Variants in CAD observed in about 807,000 individuals in gnomAD.
CAD encodes the protein carbamoyl-phosphate synthetase 2, aspartate transcarbamylase, and dihydroorotase, also known as multifunctional protein CAD.
A neutral mutation model predicts 237.2 loss-of-function variants in CAD; 81 were observed. The observed-to-expected ratio is 0.34, with a 90% CI of 0.29 to 0.41. CAD has a LOEUF of 0.41. Among genes scored for constraint, CAD ranks in the 10% least tolerant of loss-of-function variants. The probability of loss-of-function intolerance (pLI) is 1.00; values close to 1 mark genes in which losing one functional copy is unlikely to be tolerated. For synonymous variants in CAD, 1,196 were observed against 1,162.8 expected (o/e 1.03, Z -0.58); for missense variants, 2,181 against 2,951.7 (o/e 0.74, Z 6.05).
Position 27,235,235 on chromosome 2 carries a change from G to A in CAD, c.3787-10G>A, listed in dbSNP as rs750985145. The A allele has an allele frequency of 1.4e-5, 23 of 1,595,722 alleles. No homozygotes were observed. Among genetic ancestry groups the A allele is most frequent in the Non-Finnish European group, 2.0e-5 (23 of 1,170,094 alleles). The stretch of plus-strand genomic sequence containing the variant: ...ACCTTGGCCCTCTCTCTTCCCTCCC[G>A]CCCCTTTAGGTGCCTCAGTTCTCCT... On this transcript the variant is annotated splice_polypyrimidine_tract_variant and intron_variant, in intron 23 of 43. Coordinates refer to ENST00000264705, the MANE Select transcript of CAD (RefSeq NM_004341.5). The surrounding 1 kb of genome is among the most constrained non-coding windows in gnomAD (Gnocchi z 5.2).
chr2:27,243,032 G>A, intron 42 of CAD, 59 bp downstream of exon 42: 1 of 1,447,248 alleles, frequency 6.9e-7, no homozygotes, highest in Non-Finnish European at 9.6e-7. Context: ...CAGATATGAG[G>A]ACAGAAAGGC....
chr2:27,218,072 A>G lies in CAD; in HGVS notation c.222+56A>G, dbSNP rs892150437. ...CTTTTCAAGTCAGTAATTGTTAACT[A>G]TTAGTGAAGTAGGAGACGTTGACAC... On this transcript the variant is annotated intron_variant, in intron 2 of 43. Transcript: ENST00000264705. 7.4e-6 allele frequency: 11 copies of G among 1,489,176 alleles called. No individual in the cohort carries two copies. The Middle Eastern group carries it at 1.1e-3, about 143-fold the overall frequency. 92.2% of individuals were successfully genotyped at this position (1,489,176 alleles called of 1,614,324 possible).
chr2:27,225,351 G>A lies in CAD; in HGVS notation c.1620+108G>A, dbSNP rs1245542999. 1.2e-5 allele frequency: 8 copies of A among 676,774 alleles called. No homozygotes were observed. The East Asian group carries it at 2.2e-4, about 19-fold the overall frequency. The allele number at this position is 676,774 out of a possible 1,614,324, so 41.9% of individuals were successfully genotyped here. A position where few individuals can be genotyped will look rare whatever the true frequency, so the allele number is the denominator to read the frequency against. On this transcript the variant is annotated intron_variant, in intron 11 of 43. Transcript: ENST00000264705. ...GACGGAGTTTCGCTCTTGTTGCGCA[G>A]GCTGGAGTACAGTGGCGTGATCTCG...
rs200901811 is a variant in CAD, at chr2:27,232,735, G to C, written c.2892+41G>C. Reference sequence around the variant, plus strand: ...TTCTTTCCACTTTCCTTGCTATTCTGTTCATCTCTAGCAATTGCTTGGCAC... The same window carrying C: ...TTCTTTCCACTTTCCTTGCTATTCTCTTCATCTCTAGCAATTGCTTGGCAC... On this transcript the variant is annotated intron_variant, in intron 18 of 43. Coordinates refer to ENST00000264705, the MANE Select transcript of CAD (RefSeq NM_004341.5). The surrounding 1 kb of genome is among the most constrained non-coding windows in gnomAD (Gnocchi z 4.1). 5.6e-6 allele frequency: 9 copies of C among 1,611,704 alleles called. No individual in the cohort carries two copies. The highest frequency in any genetic ancestry group is 7.6e-6 in the Non-Finnish European group (9 of 1,178,396).
At chr2:27,224,321 C>G in intron 8 of CAD, 24 bp from the exon 9 acceptor site, 1 of 1,613,772 alleles carries the variant, frequency 6.2e-7, no homozygotes. Context: ...CTCTAACATT[C>G]TACGACCTTC....
chr2:27,243,055 T>C, intron 42 of CAD, 82 bp downstream of exon 42: 3 of 1,374,950 alleles, frequency 2.2e-6, no homozygotes, highest in Non-Finnish European at 3.1e-6. Flanking sequence ...GGCTGAGGGC[T>C]GGGTCAGAGC....
At position 27,242,222 on chromosome 2, in the gene CAD, TGAGGGGACCCCAGAA is replaced by T. The variant is rs1676354959; in HGVS notation, c.6097-73_6097-59del. 9 of 1,580,826 alleles carry T rather than the reference TGAGGGGACCCCAGAA, an allele frequency of 5.7e-6. No homozygotes were observed. The East Asian group carries it at 2.0e-4, about 36-fold the overall frequency. Reference sequence around the variant, plus strand: ...TTTTCTGTGTTTTGGGCCAGATGAGTGAGGGGACCCCAGAAGAGGGGGACTGGCAGTTGGGGGGCC... The same window carrying T: ...TTTTCTGTGTTTTGGGCCAGATGAGTGAGGGGGACTGGCAGTTGGGGGGCC... On this transcript the variant is annotated intron_variant, in intron 39 of 43. Transcript: ENST00000264705. This position sits in a 1 kb window ranked among gnomAD's most constrained non-coding sequence, Gnocchi z 6.4.
chr2:27,229,876 GAA>G (rs1215538368), intron 15 of CAD, among the ~76,000 whole-genome samples: 51 of 85,230 alleles, frequency 6.0e-4, no homozygotes, highest in Admixed American at 1.8e-3. Context: ...CTACGTCTCA[GAA>G]AAAAAAAAAA....
At chr2:27,227,561 C>G (rs567236811) in intron 15 of CAD, 1 of 152,172 alleles carries the variant, frequency 6.6e-6, no homozygotes, top group African/African-American at 2.4e-5. Flanking sequence ...GATATTATTT[C>G]AGAATTTTTA....
Position 27,232,278 on chromosome 2 carries a change from T to C in CAD, c.2645+54T>C. 1.2e-6 allele frequency: 2 copies of C among 1,604,944 alleles called. No homozygotes were observed. The highest frequency in any genetic ancestry group is 1.7e-6 in the Non-Finnish European group (2 of 1,176,474). The stretch of plus-strand genomic sequence containing the variant: ...TGGGAAATGTGGGGCAGAACCTTTG[T>C]ATCAGTGAGGGACCCTTGGGAGGGA... On this transcript the variant is annotated intron_variant, in intron 17 of 43. Transcript: ENST00000264705. This position sits in a 1 kb window ranked among gnomAD's most constrained non-coding sequence, Gnocchi z 4.1.
chr2:27,226,642 G>A lies in CAD; in HGVS notation c.2149G>A (p.Glu717Lys). ...GCTAGCATTGGGCATCCCTTTGCCT[G>A]AGCTCAGGTACGAGGATGAGGGAGA... is the stretch of plus-strand genomic sequence containing the variant. ...AKLALGIPLP[E>K]LRNSVTGGTA... is the part of the protein sequence containing the mutation. The change falls in exon 14 of 44, where the codon GAG becomes AAG. Residue 717 changes from glutamate to lysine, a missense_variant. By Grantham distance (56) the Glu-to-Lys change is moderately conservative. Transcript: ENST00000264705. 1 of 1,614,136 alleles carries A rather than the reference G, an allele frequency of 6.2e-7. No individual in the cohort carries two copies. Among genetic ancestry groups the A allele is most frequent in the Non-Finnish European group, 8.5e-7 (1 of 1,180,024 alleles).
intron 30 of CAD, 63 bp from the exon 31 acceptor site, chr2:27,238,368 G>T: frequency 6.7e-7 from 1 of 1,497,634 alleles, no homozygotes; most frequent in South Asian, 1.3e-5. Context: ...TTGGCCATTG[G>T]GACTTTGTGT....
At position 27,233,259 on chromosome 2, in the gene CAD, C is replaced by T. The variant is rs764477591; in HGVS notation, c.2992-53C>T. On this transcript the variant is annotated intron_variant, in intron 19 of 43. Coordinates refer to ENST00000264705, the MANE Select transcript of CAD (RefSeq NM_004341.5). The surrounding 1 kb of genome is among the most constrained non-coding windows in gnomAD (Gnocchi z 6.3). ...GAGGGAAGCAGTGAGCAGGAAGGCT[C>T]AGATTCCTGCCCTCTTTTGCTGCCA... The T allele has an allele frequency of 3.2e-6, 5 of 1,547,812 alleles. No homozygotes were observed. Among genetic ancestry groups the T allele is most frequent in the Non-Finnish European group, 4.5e-6 (5 of 1,120,412 alleles).
Position 27,241,308 on chromosome 2 carries a change from G to T in CAD, c.5809-14G>T, listed in dbSNP as rs760703741. 4 of 1,613,988 alleles carry T rather than the reference G, an allele frequency of 2.5e-6. No individual in the cohort carries two copies. The highest frequency in any genetic ancestry group is 3.4e-6 in the Non-Finnish European group (4 of 1,179,996). The stretch of plus-strand genomic sequence containing the variant: ...GGGCTAGGACCTTTCTAGCTAACTT[G>T]GGCTCTTTCTTAGATGTCTCACCTG... On this transcript the variant is annotated splice_polypyrimidine_tract_variant and intron_variant, in intron 37 of 43. Transcript: ENST00000264705. The surrounding 1 kb of genome is among the most constrained non-coding windows in gnomAD (Gnocchi z 4.6).
Position 27,239,530 on chromosome 2 carries a change from C to G in CAD, c.5394+59C>G. ...GCCCTCTTCTGCACCACGTTCATTT[C>G]TTCCCTTCCCAGCACATCTACACTG... On this transcript the variant is annotated intron_variant, in intron 33 of 43. Transcript: ENST00000264705. The surrounding 1 kb of genome is among the most constrained non-coding windows in gnomAD (Gnocchi z 4.0). 3 of 1,587,400 alleles carry G rather than the reference C, an allele frequency of 1.9e-6. No homozygotes were observed. The highest frequency in any genetic ancestry group is 1.3e-5 in the African/African-American group (1 of 74,412).
rs779288647 is a variant in CAD, at chr2:27,239,417, G to A, written c.5340G>A (p.Lys1780=). 1.2e-6 allele frequency: 2 copies of A among 1,614,114 alleles called. No individual in the cohort carries two copies. The highest frequency in any genetic ancestry group is 4.5e-5 in the East Asian group (2 of 44,884). The change falls in exon 33 of 44, where the codon AAG becomes AAA. Residue 1780 remains lysine, a synonymous_variant. Transcript: ENST00000264705. The surrounding 1 kb of genome is among the most constrained non-coding windows in gnomAD (Gnocchi z 4.0). ...HWTPFEGQKV[K]GTVRRVVLRG... is the part of the protein sequence containing the mutation. ...CACCTTTTGAAGGGCAGAAAGTGAA[G>A]GGCACCGTCCGCCGTGTGGTCCTGC... is the stretch of plus-strand genomic sequence containing the variant.
chr2:27,231,120 C>G (rs1342617235), intron 15 of CAD, among the ~76,000 whole-genome samples: 1 of 152,198 alleles, frequency 6.6e-6, no homozygotes, highest in African/African-American at 2.4e-5. Context: ...ATTTTCCTGC[C>G]TCAGCCTCTG....
In CAD at chr2:27,239,304, C is replaced by T. The variant is rs200518471; in HGVS notation, c.5254-27C>T. ...GATATGTTCTCTGGGGATCCTTTCC[C>T]TAGCATAACCCATGTCCTCTGGGCA... On this transcript the variant is annotated intron_variant, in intron 32 of 43. Coordinates refer to ENST00000264705, the MANE Select transcript of CAD (RefSeq NM_004341.5). The surrounding 1 kb of genome is among the most constrained non-coding windows in gnomAD (Gnocchi z 4.0). 1.2e-6 allele frequency: 2 copies of T among 1,606,078 alleles called. No individual in the cohort carries two copies. Among genetic ancestry groups the T allele is most frequent in the African/African-American group, 1.3e-5 (1 of 74,898 alleles).
Position 27,238,185 on chromosome 2 carries a change from G to A in CAD, c.4858G>A (p.Glu1620Lys). Residue 1620 changes from glutamate to lysine, a missense_variant and splice_region_variant, in exon 30 of 44, where the codon GAG (glutamate) becomes AAG (lysine). By Grantham distance (56) the Glu-to-Lys change is moderately conservative. Coordinates refer to ENST00000264705, the MANE Select transcript of CAD (RefSeq NM_004341.5). ...VHICHVARKEEILLIKAAKAR... is the reference protein window; with the variant it reads ...VHICHVARKEKILLIKAAKAR... ...CATATGTCACGTGGCACGGAAGGAG[G>A]AGGTAAGAGTACACCTGAGATCCTG... 6.2e-7 allele frequency: 1 copy of A among 1,613,936 alleles called. No homozygotes were observed. Among genetic ancestry groups the A allele is most frequent in the Non-Finnish European group, 8.5e-7 (1 of 1,180,014 alleles).
Sources: allele counts gnomAD v4.1 joint callset (sites outside exome capture counted in the v4.1 genomes callset), GRCh38; gene constraint gnomAD v4.1.1; non-coding constraint Gnocchi (gnomAD v3.1); transcripts MANE v1.5; gene names NCBI Gene and HGNC (gene_info 2026-07-23, HGNC 2026-07-21).